SPOPL: variants seen among roughly 807,000 people sequenced by gnomAD.
The protein encoded by SPOPL is speckle type BTB/POZ protein like, also known as speckle-type POZ protein-like.
A neutral mutation model predicts 53.8 loss-of-function variants in SPOPL; 23 were observed. That is an observed-to-expected ratio of 0.43 (90% CI 0.31 to 0.61). The LOEUF (loss-of-function observed/expected upper bound fraction) is 0.61. Ranked by LOEUF, SPOPL falls within the 20% of genes least tolerant of loss-of-function variation. The probability of loss-of-function intolerance (pLI) is 0.12; values close to 1 mark genes in which losing one functional copy is unlikely to be tolerated. For missense variants in SPOPL, 442 were observed against 466.9 expected (o/e 0.95, Z 0.49); for synonymous variants, 164 against 149.7 (o/e 1.10, Z -0.70).
At chr2:138,530,016 T>C (rs1415266826) in intron 1 of SPOPL, among the ~76,000 whole-genome samples, 1 of 152,082 alleles carries the variant, frequency 6.6e-6, no homozygotes, top group Non-Finnish European at 1.5e-5. Context: ...TGTTTCCTGC[T>C]ATGTGTCCAT....
At chr2:138,546,807 A>C (rs950660898) in intron 1 of SPOPL, among the ~76,000 whole-genome samples, 1 of 152,250 alleles carries the variant, frequency 6.6e-6, no homozygotes, top group Non-Finnish European at 1.5e-5. Flanking sequence ...CTACTGAAGA[A>C]TGAACAACAT....
intron 1 of SPOPL, among the ~76,000 whole-genome samples, chr2:138,540,717 A>G (rs1685052032): frequency 1.3e-5 from 2 of 152,206 alleles, no homozygotes; most frequent in African/African-American, 4.8e-5. Flanking sequence ...CTCTTTTCCT[A>G]ATTGGATACC....
At position 138,572,269 on chromosome 2, in the gene SPOPL, TATA is replaced by T. The variant is rs1283956062; in HGVS notation, c.*3194_*3196del. ...AACAGTGCCTTTTTAGGACATCAAT[TATA>T]ATAAAATTGTTTTAAAATATTAACA... On this transcript the variant is annotated 3_prime_UTR_variant, in exon 11 of 11. Transcript: ENST00000280098. 2 of 152,582 alleles carry T rather than the reference TATA, an allele frequency of 1.3e-5. No homozygotes were observed. The highest frequency in any genetic ancestry group is 2.9e-5 in the Non-Finnish European group (2 of 68,018). The allele number at this position is 152,582 out of a possible 1,614,324, so 9.5% of individuals were successfully genotyped here. A position where few individuals can be genotyped will look rare whatever the true frequency, so the allele number is the denominator to read the frequency against.
chr2:138,508,558 T>C (rs1684262647), intron 1 of SPOPL, among the ~76,000 whole-genome samples: 2 of 152,140 alleles, frequency 1.3e-5, no homozygotes, highest in South Asian at 4.1e-4. Flanking sequence ...CTTGAACTCC[T>C]GACCTCAAGT....
At chr2:138,516,713 T>A (rs1000646146) in intron 1 of SPOPL, among the ~76,000 whole-genome samples, 3 of 152,186 alleles carry the variant, frequency 2.0e-5, no homozygotes, top group Non-Finnish European at 2.9e-5. Flanking sequence ...GTATAGCATT[T>A]GACTCACACA....
At chr2:138,549,978 G>A (rs1685278697) in intron 1 of SPOPL, among the ~76,000 whole-genome samples, 179 bp from the exon 2 acceptor site, 1 of 151,944 alleles carries the variant, frequency 6.6e-6, no homozygotes, top group African/African-American at 2.4e-5. Flanking sequence ...TAGATTTCAA[G>A]TGTCACATGT....
intron 1 of SPOPL, among the ~76,000 whole-genome samples, chr2:138,521,422 T>C (rs1024986162): frequency 6.6e-6 from 1 of 151,612 alleles, no homozygotes; most frequent in Non-Finnish European, 1.5e-5. Context: ...ATTATGCCTA[T>C]ATCTAGAAAT....
At chr2:138,561,673 T>C (rs1278464766) in intron 8 of SPOPL, among the ~76,000 whole-genome samples, 1 of 152,070 alleles carries the variant, frequency 6.6e-6, no homozygotes, top group Non-Finnish European at 1.5e-5. Context: ...AAAACTTAAA[T>C]TAAAAACACC....
intron 7 of SPOPL, among the ~76,000 whole-genome samples, chr2:138,560,197 A>G (rs1441345844): frequency 6.6e-6 from 1 of 152,190 alleles, no homozygotes; most frequent in Non-Finnish European, 1.5e-5. Flanking sequence ...AAGTGCCAGT[A>G]TATGATAATA....
chr2:138,527,742 A>G (rs1231562759), intron 1 of SPOPL, among the ~76,000 whole-genome samples: 1 of 152,028 alleles, frequency 6.6e-6, no homozygotes, highest in African/African-American at 2.4e-5. Context: ...CTTTCCGTTC[A>G]TATATTAGGA....
At chr2:138,507,263 T>C (rs533638343) in intron 1 of SPOPL, among the ~76,000 whole-genome samples, 1 of 152,210 alleles carries the variant, frequency 6.6e-6, no homozygotes, top group Non-Finnish European at 1.5e-5. Context: ...GACGTGTTTT[T>C]AGTATCATCT....
intron 1 of SPOPL, among the ~76,000 whole-genome samples, chr2:138,546,785 C>T (rs1166425029): frequency 6.6e-6 from 1 of 152,154 alleles, no homozygotes; most frequent in Admixed American, 6.5e-5. Context: ...TATTAACACC[C>T]ATCTCACAGA....
chr2:138,559,285 G>T lies in SPOPL; in HGVS notation c.662G>T (p.Arg221Leu). The T allele has an allele frequency of 1.9e-6, 3 of 1,612,962 alleles. No individual in the cohort carries two copies. The highest frequency in any genetic ancestry group is 2.2e-5 in the East Asian group (1 of 44,784). ...ATGATACATAATCTTGTTACAGCTC[G>T]ATCTCCAGTTTTTAACGCCATGTTT... ...FKAHKSVLAARSPVFNAMFEH... is the reference protein window; with the variant it reads ...FKAHKSVLAALSPVFNAMFEH... Residue 221 changes from arginine to leucine, a missense_variant, in exon 7 of 11, where the codon CGA (arginine) becomes CTA (leucine). Coordinates refer to ENST00000280098, the MANE Select transcript of SPOPL (RefSeq NM_001001664.3).
intron 5 of SPOPL, among the ~76,000 whole-genome samples, chr2:138,556,952 C>G (rs34724499): frequency 0.12 from 18,324 of 151,958 alleles, 1,398 homozygotes; most frequent in East Asian, 0.26. Flanking sequence ...GTCAAGAGAT[C>G]GAGACCATCC....
chr2:138,549,301 C>T (rs1685263644), intron 1 of SPOPL, among the ~76,000 whole-genome samples: 1 of 151,940 alleles, frequency 6.6e-6, no homozygotes. Context: ...TCTCTCATAA[C>T]AATTTTTGTC....
intron 1 of SPOPL, among the ~76,000 whole-genome samples, chr2:138,517,047 C>G (rs546457174): frequency 2.6e-5 from 4 of 152,248 alleles, no homozygotes; most frequent in African/African-American, 9.6e-5. Flanking sequence ...ATTTAAAAAA[C>G]TGATTTGAAA....
intron 1 of SPOPL, among the ~76,000 whole-genome samples, chr2:138,534,938 A>C (rs77800800): frequency 0.011 from 1,660 of 152,264 alleles, 34 homozygotes; most frequent in African/African-American, 0.038. Flanking sequence ...TACTTTATTT[A>C]TTTTTATGAC....
chr2:138,538,910 C>G (rs140783167), intron 1 of SPOPL, among the ~76,000 whole-genome samples: 11 of 152,140 alleles, frequency 7.2e-5, no homozygotes, highest in Admixed American at 7.2e-4. Flanking sequence ...CTCCCCACCC[C>G]ACAACAGACC....
chr2:138,552,764 A>T, intron 5 of SPOPL, 83 bp downstream of exon 5: 1 of 1,417,408 alleles, frequency 7.1e-7, no homozygotes, highest in Non-Finnish European at 9.5e-7. Flanking sequence ...AACACTTTAA[A>T]ATTAAGTAAT....
Sources: gnomAD v4.1 joint callset for allele counts (sites outside exome capture counted in the v4.1 genomes callset) on GRCh38, gnomAD v4.1.1 for gene constraint, MANE v1.5 for transcripts, NCBI Gene and HGNC (gene_info 2026-07-23, HGNC 2026-07-21) for gene names.